Variants in STARD6 observed in about 807,000 individuals in gnomAD.
The protein encoded by STARD6 is stAR-related lipid transfer protein 6.
A neutral mutation model predicts 22.3 loss-of-function variants in STARD6; 21 were observed. The observed-to-expected ratio is 0.94, with a 90% CI of 0.67 to 1.35. The LOEUF (loss-of-function observed/expected upper bound fraction) is 1.35, where lower values mean the gene tolerates loss of function less well. STARD6 is among the 40% of genes most tolerant of loss of function. STARD6 has a pLI of 0.00. For missense variants in STARD6, 269 were observed against 266.9 expected (o/e 1.01, Z -0.05); for synonymous variants, 80 against 88.1 (o/e 0.91, Z 0.52).
chr18:54,352,729 G>A (rs1009256234), intron 4 of STARD6, among the ~76,000 whole-genome samples: 5 of 152,166 alleles, frequency 3.3e-5, no homozygotes, highest in Non-Finnish European at 7.4e-5. Flanking sequence ...AAATATCTCT[G>A]ATGAAAATTT....
rs60888927 is a variant in STARD6, at chr18:54,351,899, G to GTT, written c.140+2153_140+2154dup. 2.0e-3 allele frequency among the ~76,000 whole-genome samples: 141 copies of GTT among 70,628 alleles called. 4 individuals carry two copies. The highest frequency in any genetic ancestry group is 9.7e-3 in the African/African-American group (125 of 12,874). 46.3% of individuals were successfully genotyped at this position (70,628 alleles called of 152,430 possible). ...TTGTGTTAATCAGGGATATTGGTCCGTTTTTTTTTTTTTTTTTTTTTTAAT... is the reference window on the plus strand; with the variant it reads ...TTGTGTTAATCAGGGATATTGGTCCGTTTTTTTTTTTTTTTTTTTTTTTTAAT... On this transcript the variant is annotated intron_variant, in intron 4 of 7. Transcript: ENST00000307844.
chr18:54,356,740 TAAC>T (rs2089148099), intron 1 of STARD6, among the ~76,000 whole-genome samples: 1 of 152,206 alleles, frequency 6.6e-6, no homozygotes, highest in African/African-American at 2.4e-5. Context: ...CACTAACAAT[TAAC>T]AAGGATTGTT....
intron 4 of STARD6, among the ~76,000 whole-genome samples, chr18:54,343,258 C>T (rs1485191664): frequency 7.7e-5 from 6 of 77,562 alleles, no homozygotes; most frequent in Admixed American, 3.3e-4. Context: ...GGAGCCCCTC[C>T]GCCCGGCAGC....
chr18:54,347,107 T>C (rs997829524), intron 4 of STARD6, among the ~76,000 whole-genome samples: 1 of 152,114 alleles, frequency 6.6e-6, no homozygotes, highest in East Asian at 1.9e-4. Context: ...CAAGTCCTTT[T>C]TTTCTGAATT....
At chr18:54,325,828 G>T (rs1332587337) in intron 7 of STARD6, among the ~76,000 whole-genome samples, 1 of 152,076 alleles carries the variant, frequency 6.6e-6, no homozygotes, top group Non-Finnish European at 1.5e-5. Flanking sequence ...GGGATTACAG[G>T]TGTGACCCAC....
chr18:54,340,941 A>G (rs1342755655), intron 4 of STARD6, among the ~76,000 whole-genome samples: 1 of 152,252 alleles, frequency 6.6e-6, no homozygotes, highest in Non-Finnish European at 1.5e-5. Context: ...AGATGTAATA[A>G]CTATAAACGT....
rs1242967849 is a variant in STARD6 at position 54,342,652 on chromosome 18, G to A, written c.141-5401C>T. On this transcript the variant is annotated intron_variant, in intron 4 of 7. Coordinates refer to ENST00000307844, the MANE Select transcript of STARD6 (RefSeq NM_139171.2). Reference sequence around the variant, plus strand: ...ACGCCTGACTGGTTTTGGTGGAGACGGGGTTTCGCTGTGTTGGCCGGACCG... The same window carrying A: ...ACGCCTGACTGGTTTTGGTGGAGACAGGGTTTCGCTGTGTTGGCCGGACCG... Among the ~76,000 whole-genome samples, 6 of 115,332 alleles carry A rather than the reference G, an allele frequency of 5.2e-5. No individual in the cohort carries two copies. The East Asian group carries it at 1.1e-3, about 22-fold the overall frequency. 75.7% of individuals were successfully genotyped at this position (115,332 alleles called of 152,430 possible). A position where few individuals can be genotyped will look rare whatever the true frequency, so the allele number is the denominator to read the frequency against.
At chr18:54,331,259 C>T (rs2088862287) in intron 6 of STARD6, among the ~76,000 whole-genome samples, 1 of 151,930 alleles carries the variant, frequency 6.6e-6, no homozygotes, top group African/African-American at 2.4e-5. Flanking sequence ...TTGCATTTTA[C>T]AGAATGACAT....
rs550511401 is a variant in STARD6, at chr18:54,331,309, T to G, written c.385+433A>C. Among the ~76,000 whole-genome samples the G allele has an allele frequency of 1.5e-4, 23 of 152,268 alleles. No homozygotes were observed. In the South Asian group the frequency reaches 4.6e-3, roughly 30 times the overall value. On this transcript the variant is annotated intron_variant, in intron 6 of 7. Transcript: ENST00000307844. ...ATAGGGATACATCAAAACCGGCAGT[T>G]TCTAAAAGAAATAAAAGCACATTTA...
chr18:54,338,653 A>C (rs1464507242), intron 4 of STARD6, among the ~76,000 whole-genome samples: 1 of 152,152 alleles, frequency 6.6e-6, no homozygotes, highest in Non-Finnish European at 1.5e-5. Flanking sequence ...ACTGCGAGTC[A>C]TGCAAAGAAA....
chr18:54,353,459 A>T (rs2089115630), intron 4 of STARD6, among the ~76,000 whole-genome samples: 1 of 152,192 alleles, frequency 6.6e-6, no homozygotes, highest in Admixed American at 6.5e-5. Context: ...GCTTGGGCTC[A>T]GGAGTTTGAG....
At chr18:54,356,032 A>G (rs1199899384) in intron 2 of STARD6, among the ~76,000 whole-genome samples, 1 of 152,228 alleles carries the variant, frequency 6.6e-6, no homozygotes, top group Non-Finnish European at 1.5e-5. Flanking sequence ...ATATGTAAAA[A>G]TGCTTTAAAC....
intron 4 of STARD6, among the ~76,000 whole-genome samples, chr18:54,338,783 C>G (rs2088940427): frequency 6.6e-6 from 1 of 151,996 alleles, no homozygotes; most frequent in South Asian, 2.1e-4. Flanking sequence ...GGCGCAGTGG[C>G]TCACTCCTGT....
At chr18:54,331,106 TA>T (rs1397046905) in intron 6 of STARD6, among the ~76,000 whole-genome samples, 1 of 152,076 alleles carries the variant, frequency 6.6e-6, no homozygotes, top group African/African-American at 2.4e-5. Context: ...TAATTCAAAT[TA>T]TAGAGAAAAA....
chr18:54,335,317 C>T (rs1440773785), intron 5 of STARD6, among the ~76,000 whole-genome samples: 2 of 152,032 alleles, frequency 1.3e-5, no homozygotes, highest in Non-Finnish European at 2.9e-5. Context: ...GCCTCAGCCT[C>T]CCGAGTAGCT....
At chr18:54,338,537 G>A (rs970969092) in intron 4 of STARD6, among the ~76,000 whole-genome samples, 2 of 152,026 alleles carry the variant, frequency 1.3e-5, no homozygotes, top group African/African-American at 4.8e-5. Context: ...TCACCAAACA[G>A]ATGAACAAAT....
At chr18:54,326,026 A>G (rs889747809) in intron 7 of STARD6, among the ~76,000 whole-genome samples, 2 of 152,196 alleles carry the variant, frequency 1.3e-5, no homozygotes, top group Admixed American at 1.3e-4. Flanking sequence ...TCCAATCTCT[A>G]ACTTCCATAT....
intron 5 of STARD6, among the ~76,000 whole-genome samples, chr18:54,335,039 G>A (rs909222742): frequency 6.6e-6 from 1 of 152,106 alleles, no homozygotes; most frequent in African/African-American, 2.4e-5. Flanking sequence ...GGAAGAGTAT[G>A]GAACAAAGTC....
chr18:54,348,666 G>C (rs1400318759), intron 4 of STARD6, among the ~76,000 whole-genome samples: 1 of 152,096 alleles, frequency 6.6e-6, no homozygotes, highest in African/African-American at 2.4e-5. Flanking sequence ...ATTTAGCATG[G>C]TGCCTGACAT....
Sources: allele counts gnomAD v4.1 joint callset (sites outside exome capture counted in the v4.1 genomes callset), GRCh38; gene constraint gnomAD v4.1.1; transcripts MANE v1.5; gene names NCBI Gene and HGNC (gene_info 2026-07-23, HGNC 2026-07-21).